DENND2A: variants seen among roughly 807,000 people sequenced by gnomAD.
DENND2A encodes the protein DENN domain containing 2A.
Under a neutral mutation model 105.3 loss-of-function variants are expected in DENND2A, and 53 were observed. That is an observed-to-expected ratio of 0.50 (90% CI 0.40 to 0.63). DENND2A has a LOEUF of 0.63. Among genes scored for constraint, DENND2A ranks in the 30% least tolerant of loss-of-function variants. The pLI is 0.00. For missense variants in DENND2A, 1,138 were observed against 1,279.6 expected, an observed-to-expected ratio of 0.89 and a Z score of 1.69; for synonymous variants, 522 against 508.4, an observed-to-expected ratio of 1.03 and a Z score of -0.36.
chr7:140,615,261 C>T (rs989108629), intron 1 of DENND2A, among the ~76,000 whole-genome samples: 14 of 152,136 alleles, frequency 9.2e-5, no homozygotes, highest in African/African-American at 3.4e-4. Context: ...AAAAACAAAC[C>T]AGTATTTTTG....
chr7:140,567,296 A>AGAGAGAGAG, intron 8 of DENND2A, 23 bp from the exon 9 acceptor site: 1 of 830,716 alleles, frequency 1.2e-6, no homozygotes, highest in Non-Finnish European at 1.7e-6. Flanking sequence ...GGGAGAGAGA[A>AGAGAGAGAG]AGAGAGAAAG....
chr7:140,593,838 G>A (rs1380506112), intron 3 of DENND2A, among the ~76,000 whole-genome samples: 1 of 151,500 alleles, frequency 6.6e-6, no homozygotes, highest in Non-Finnish European at 1.5e-5. Flanking sequence ...CACCGCACCT[G>A]CCCATTGGTG....
chr7:140,591,739 CTCT>C (rs1035101724), intron 3 of DENND2A, among the ~76,000 whole-genome samples: 67 of 148,644 alleles, frequency 4.5e-4, no homozygotes, highest in Admixed American at 8.2e-4. Context: ...CTTTCTCTCT[CTCT>C]TTTCTTTCTC....
In DENND2A at chr7:140,602,440, C is replaced by T. The variant is rs1267433195; in HGVS notation, c.-43G>A. The T allele has an allele frequency of 6.6e-7, 1 of 1,503,940 alleles. No individual in the cohort carries two copies. Among genetic ancestry groups the T allele is most frequent in the South Asian group, 1.3e-5 (1 of 75,406 alleles). The allele number at this position is 1,503,940 out of a possible 1,614,324, so 93.2% of individuals were successfully genotyped here. ...GGTTGTGGAGGCCTTCCAGGGGACT[C>T]CTTCTGAAGCCTGACTCCTGATCAG... On this transcript the variant is annotated 5_prime_UTR_variant, in exon 3 of 20. Transcript: ENST00000496613.
chr7:140,541,812 AAC>A (rs1027982993), intron 14 of DENND2A, among the ~76,000 whole-genome samples: 47 of 152,244 alleles, frequency 3.1e-4, no homozygotes, highest in African/African-American at 9.6e-4. Context: ...AGCGAACTAA[AAC>A]ACAGGGTGGG....
intron 5 of DENND2A, among the ~76,000 whole-genome samples, chr7:140,579,101 T>C (rs1336404971): frequency 2.0e-5 from 3 of 152,090 alleles, no homozygotes; most frequent in African/African-American, 7.2e-5. Context: ...CGAGACCATC[T>C]GGCCAACATG....
intron 13 of DENND2A, among the ~76,000 whole-genome samples, chr7:140,545,129 T>C (rs116513581): frequency 0.01 from 1,568 of 152,170 alleles, 22 homozygotes; most frequent in African/African-American, 0.036. Flanking sequence ...TATAGGACTT[T>C]TGAAAACGGT....
Position 140,527,596 on chromosome 7 carries a change from G to A in DENND2A, c.2328-101C>T, listed in dbSNP as rs1796110316. ...TCCCAGAGACAGGATGACTAGGAAA[G>A]GACACACGTGGATGTGGATCCGGTG... On this transcript the variant is annotated intron_variant, in intron 14 of 19. Coordinates refer to ENST00000496613, the MANE Select transcript of DENND2A (RefSeq NM_015689.5). This position sits in a 1 kb window ranked among gnomAD's most constrained non-coding sequence, Gnocchi z 4.9. 8 of 1,239,350 alleles carry A rather than the reference G, an allele frequency of 6.5e-6. No homozygotes were observed. Among genetic ancestry groups the A allele is most frequent in the Non-Finnish European group, 8.8e-6 (8 of 907,862 alleles). The allele number at this position is 1,239,350 out of a possible 1,614,324, so 76.8% of individuals were successfully genotyped here.
In DENND2A at chr7:140,521,982, C is replaced by T. The variant is rs772500499; in HGVS notation, c.2784G>A (p.Leu928=). 13 of 1,614,036 alleles carry T rather than the reference C, an allele frequency of 8.1e-6. No homozygotes were observed. The South Asian group carries it at 1.1e-4, about 14-fold the overall frequency. The change falls in exon 18 of 20, where the codon CTG becomes CTA. Residue 928 remains leucine, a synonymous_variant. Coordinates refer to ENST00000496613, the MANE Select transcript of DENND2A (RefSeq NM_015689.5). ...LTSGEREERT[L]QREAFRKAVS... ...CAGCTTTGCGGAAGGCCTCCCGCTG[C>T]AGGGTTCTCTCCTCACGCTCGCCCG...
intron 5 of DENND2A, among the ~76,000 whole-genome samples, chr7:140,583,506 C>A (rs76515807): frequency 0.042 from 6,243 of 150,048 alleles, 245 homozygotes; most frequent in Middle Eastern, 0.058. Flanking sequence ...AAAATGACCT[C>A]GCTGGTTGGC....
intron 2 of DENND2A, among the ~76,000 whole-genome samples, chr7:140,603,741 G>A (rs1252170408): frequency 6.6e-6 from 1 of 152,208 alleles, no homozygotes. Flanking sequence ...GTAGCCACCA[G>A]CCACACGTGA....
In DENND2A at chr7:140,602,005, T is replaced by C. The variant is rs748404506; in HGVS notation, c.393A>G (p.Pro131=). 2 of 1,614,242 alleles carry C rather than the reference T, an allele frequency of 1.2e-6. No homozygotes were observed. The highest frequency in any genetic ancestry group is 1.7e-6 in the Non-Finnish European group (2 of 1,180,036). ...DPEPGQDLSQ[P]EREVDPSWGR... ...CCCAGCTAGGATCCACTTCCCGTTC[T>C]GGCTGGCTTAGGTCTTGCCCCGGCT... Residue 131 remains proline, a synonymous_variant, in exon 3 of 20, where the codon CCA becomes CCG. Transcript: ENST00000496613.
intron 3 of DENND2A, among the ~76,000 whole-genome samples, chr7:140,588,691 C>T (rs1295455826): frequency 6.6e-6 from 1 of 152,090 alleles, no homozygotes; most frequent in Non-Finnish European, 1.5e-5. Context: ...CCTGGGCCTC[C>T]CAAAGTGCTG....
In DENND2A at chr7:140,573,888, A is replaced by T. The variant is rs1332089428; in HGVS notation, c.1366T>A (p.Ser456Thr). 1 of 1,614,030 alleles carries T rather than the reference A, an allele frequency of 6.2e-7. No homozygotes were observed. Among genetic ancestry groups the T allele is most frequent in the East Asian group, 2.2e-5 (1 of 44,878 alleles). ...ATGTCATCAGGGCTGCTGGGAGTGG[A>T]GGGAGGGCTGATTTTGGAAGGGGAC... ...TGSPSKISPP[S>T]TPSSPDDIFF... The change falls in exon 6 of 20, where the codon TCC (serine) becomes ACC (threonine). Residue 456 changes from serine to threonine, a missense_variant. Around this residue, in one of 2 missense-constraint regions of DENND2A, gnomAD observed 627 missense variants for 779.8 expected, o/e 0.80. Coordinates refer to ENST00000496613, the MANE Select transcript of DENND2A (RefSeq NM_015689.5).
intron 3 of DENND2A, among the ~76,000 whole-genome samples, chr7:140,593,228 A>C (rs1431948051): frequency 1.3e-5 from 2 of 152,242 alleles, no homozygotes; most frequent in Non-Finnish European, 2.9e-5. Context: ...CATGCGAGTC[A>C]CATTGTGCTC....
At chr7:140,612,486 G>A (rs1226105858) in intron 1 of DENND2A, among the ~76,000 whole-genome samples, 1 of 150,674 alleles carries the variant, frequency 6.6e-6, no homozygotes, top group East Asian at 1.9e-4. Flanking sequence ...ACACCAAAAG[G>A]ATCATATTTG....
Position 140,601,443 on chromosome 7 carries a change from T to A in DENND2A, c.955A>T (p.Arg319Ter). The A allele has an allele frequency of 6.2e-7, 1 of 1,612,364 alleles. No individual in the cohort carries two copies. The highest frequency in any genetic ancestry group is 1.3e-5 in the African/African-American group (1 of 75,012). The change falls in exon 3 of 20, where the codon AGA (arginine) becomes TGA (stop). Residue 319 changes from arginine to a stop codon, truncating the protein, a stop_gained. Transcript: ENST00000496613. LOFTEE classifies it high-confidence loss of function. ...SSPPPSSVNR[R>*]LWTGRQKSSA... ...GATTTCTGTCTCCCGGTCCACAGTC[T>A]TCTGTTCACAGAGGAAGGTGGGGGA...
intron 6 of DENND2A, among the ~76,000 whole-genome samples, chr7:140,569,983 C>T (rs1490095689): frequency 2.0e-5 from 3 of 152,124 alleles, no homozygotes; most frequent in Non-Finnish European, 4.4e-5. Flanking sequence ...CAGCCTCTAA[C>T]TTCTGGGTTC....
intron 3 of DENND2A, 31 bp downstream of exon 3, chr7:140,601,372 C>G: frequency 6.5e-7 from 1 of 1,537,020 alleles, no homozygotes; most frequent in East Asian, 2.3e-5. Context: ...AGTCAGGTGG[C>G]GACACTCTGC....
Sources: allele counts gnomAD v4.1 joint callset (sites outside exome capture counted in the v4.1 genomes callset), GRCh38; gene constraint gnomAD v4.1.1; regional missense constraint gnomAD v4.1.1; non-coding constraint Gnocchi (gnomAD v3.1); transcripts MANE v1.5; gene names NCBI Gene and HGNC (gene_info 2026-07-23, HGNC 2026-07-21).